The following CNTNAP4 variants were observed in gnomAD, a reference collection of about 807,000 sequenced individuals.
The protein encoded by CNTNAP4 is contactin-associated protein-like 4.
A neutral mutation model predicts 148.4 loss-of-function variants in CNTNAP4; 98 were observed. The ratio of observed to expected loss-of-function variants is 0.66; its 90% CI spans 0.56 to 0.78. CNTNAP4 has a LOEUF of 0.78. CNTNAP4 is among the 30% of genes least tolerant of loss of function. The probability of loss-of-function intolerance (pLI) is 0.00; values close to 1 mark genes in which losing one functional copy is unlikely to be tolerated. For synonymous variants in CNTNAP4, 730 were observed against 565.1 expected (o/e 1.29, Z -4.14); for missense variants, 1,935 against 1,565.6 (o/e 1.24, Z -3.98).
chr16:76,514,950 G>C (rs1410645919), intron 15 of CNTNAP4, among the ~76,000 whole-genome samples: 6 of 152,172 alleles, frequency 3.9e-5, no homozygotes, highest in Non-Finnish European at 7.4e-5. Context: ...AACATTTAAA[G>C]CATTTTTACT....
chr16:76,552,455 G>A (rs1441109720), intron 21 of CNTNAP4, among the ~76,000 whole-genome samples: 1 of 152,126 alleles, frequency 6.6e-6, no homozygotes, highest in Non-Finnish European at 1.5e-5. Context: ...TTTCATGCTT[G>A]CTAAGCAAGG....
rs535382809 is a variant in CNTNAP4 at position 76,409,596 on chromosome 16, T to G, written c.391-17856T>G. 8.2e-4 allele frequency among the ~76,000 whole-genome samples: 125 copies of G among 152,060 alleles called. 1 individual carries two copies. The highest frequency in any genetic ancestry group is 2.9e-3 in the African/African-American group (120 of 41,540). ...AAAGGCAAACTAGTTAAAAAGAAAA[T>G]AAAACTCTACAGTAAAGAAATTAAA... is the stretch of plus-strand genomic sequence containing the variant. On this transcript the variant is annotated intron_variant, in intron 3 of 23. Coordinates refer to ENST00000611870, the MANE Select transcript of CNTNAP4 (RefSeq NM_033401.5).
intron 2 of CNTNAP4, among the ~76,000 whole-genome samples, chr16:76,340,625 A>C (rs545846113): frequency 6.6e-6 from 1 of 152,160 alleles, no homozygotes; most frequent in Non-Finnish European, 1.5e-5. Flanking sequence ...TCATGTCTTC[A>C]TTCAATACAT....
intron 1 of CNTNAP4, among the ~76,000 whole-genome samples, chr16:76,301,017 T>A (rs1959905877): frequency 6.6e-6 from 1 of 152,106 alleles, no homozygotes; most frequent in South Asian, 2.1e-4. Context: ...ACATACTTGG[T>A]CAGTTTAACA....
chr16:76,504,071 G>T (rs973924124), intron 15 of CNTNAP4, among the ~76,000 whole-genome samples: 8 of 151,832 alleles, frequency 5.3e-5, no homozygotes, highest in African/African-American at 1.9e-4. Flanking sequence ...TCTCTTTTTT[G>T]GGAGGGGAGT....
intron 2 of CNTNAP4, among the ~76,000 whole-genome samples, chr16:76,330,753 T>A (rs1963433251): frequency 1.3e-5 from 2 of 152,208 alleles, no homozygotes; most frequent in Admixed American, 1.3e-4. Context: ...ATTCTATGAT[T>A]AGTAAAAATA....
chr16:76,378,783 C>G (rs1406280575), intron 3 of CNTNAP4, among the ~76,000 whole-genome samples: 3 of 152,178 alleles, frequency 2.0e-5, no homozygotes, highest in African/African-American at 7.2e-5. Flanking sequence ...AGTCTGTCCT[C>G]CATGTCAGTG....
At chr16:76,289,771 A>G (rs994823996) in intron 1 of CNTNAP4, among the ~76,000 whole-genome samples, 6 of 151,938 alleles carry the variant, frequency 3.9e-5, no homozygotes, top group Non-Finnish European at 5.9e-5. Flanking sequence ...GGGTTTCACC[A>G]TGTTGGTCAA....
chr16:76,316,480 C>G lies in CNTNAP4; in HGVS notation c.153C>G (p.Ser51=), dbSNP rs757397795. The G allele has an allele frequency of 6.2e-7, 1 of 1,613,832 alleles. No individual in the cohort carries two copies. Among genetic ancestry groups the G allele is most frequent in the Non-Finnish European group, 8.5e-7 (1 of 1,179,818 alleles). ...CCTTCAGCAGTTCTTCCGAGCTCTC[C>G]AGCAGTCATGGTCCTGGATTTGCAA... ...QASFSSSSEL[S]SSHGPGFARL... is the part of the protein sequence containing the mutation. The change falls in exon 2 of 24, where the codon TCC becomes TCG. Residue 51 remains serine (S), a synonymous_variant. Transcript: ENST00000611870.
chr16:76,470,011 T>G (rs2081308286), intron 10 of CNTNAP4, among the ~76,000 whole-genome samples: 1 of 152,088 alleles, frequency 6.6e-6, no homozygotes, highest in African/African-American at 2.4e-5. Flanking sequence ...AAAAAAAATC[T>G]GTGTACCAGG....
intron 1 of CNTNAP4, chr16:76,309,852 C>G (rs1451577024): frequency 7.1e-6 from 5 of 701,004 alleles, no homozygotes; most frequent in Non-Finnish European, 1.3e-5. Flanking sequence ...TTGCTGCTTC[C>G]TCATTTTCTC....
intron 10 of CNTNAP4, among the ~76,000 whole-genome samples, chr16:76,475,551 T>C (rs8053278): frequency 0.082 from 12,518 of 152,256 alleles, 1,548 homozygotes; most frequent in African/African-American, 0.27. Context: ...TCTTCCTTTT[T>C]TCTTTTCTTC....
At chr16:76,298,325 A>G (rs1016141018) in intron 1 of CNTNAP4, among the ~76,000 whole-genome samples, 4 of 152,214 alleles carry the variant, frequency 2.6e-5, no homozygotes, top group African/African-American at 9.6e-5. Context: ...AAAATGCAAT[A>G]AGCAAAATGT....
At chr16:76,311,510 A>G (rs890426466) in intron 1 of CNTNAP4, among the ~76,000 whole-genome samples, 2 of 152,224 alleles carry the variant, frequency 1.3e-5, no homozygotes, top group Admixed American at 6.5e-5. Context: ...TCATTAAAAC[A>G]TATTGTAGAT....
At position 76,519,703 on chromosome 16, in the gene CNTNAP4, A is replaced by C. The variant is rs557563421; in HGVS notation, c.2366-1437A>C. On this transcript the variant is annotated intron_variant, in intron 15 of 23. Coordinates refer to ENST00000611870, the MANE Select transcript of CNTNAP4 (RefSeq NM_033401.5). ...AGGTCTAGTACAGGAATAGCTGTAA[A>C]AGGGACAAAAGGAATAGGCTTGATG... 1.2e-4 allele frequency among the ~76,000 whole-genome samples: 18 copies of C among 152,306 alleles called. No individual in the cohort carries two copies. In the South Asian group the frequency reaches 3.3e-3, roughly 28 times the overall value.
chr16:76,307,595 T>G (rs1479088793), intron 1 of CNTNAP4, among the ~76,000 whole-genome samples: 1 of 148,250 alleles, frequency 6.7e-6, no homozygotes, highest in Non-Finnish European at 1.5e-5. Flanking sequence ...ATTCCTGATA[T>G]CAAATTAGGT....
At chr16:76,324,307 T>C (rs1294865607) in intron 2 of CNTNAP4, among the ~76,000 whole-genome samples, 1 of 152,212 alleles carries the variant, frequency 6.6e-6, no homozygotes, top group Admixed American at 6.5e-5. Flanking sequence ...ACATAAACAT[T>C]TCTTTTAGTA....
At chr16:76,427,428 G>A (rs2079448213) in intron 3 of CNTNAP4, 24 bp from the exon 4 acceptor site, 1 of 1,591,908 alleles carries the variant, frequency 6.3e-7, no homozygotes, top group South Asian at 1.1e-5. Flanking sequence ...ATACATTGAT[G>A]TGCTTCTTTC....
rs1339318016 is a variant in CNTNAP4 at position 76,448,760 on chromosome 16, T to A, written c.743-7T>A. 2 of 1,595,118 alleles carry A rather than the reference T, an allele frequency of 1.3e-6. No individual in the cohort carries two copies. Among genetic ancestry groups the A allele is most frequent in the Admixed American group, 3.5e-5 (2 of 57,430 alleles). ...TAATGGTGCTGTTATTTTTCTCCTC[T>A]TCTAAGGTGAAGCTAAACTGCCTTC... On this transcript the variant is annotated splice_polypyrimidine_tract_variant and splice_region_variant and intron_variant, in intron 5 of 23. Transcript: ENST00000611870.
Sources: gnomAD v4.1 joint callset for allele counts (sites outside exome capture counted in the v4.1 genomes callset) on GRCh38, gnomAD v4.1.1 for gene constraint, MANE v1.5 for transcripts, NCBI Gene and HGNC (gene_info 2026-07-23, HGNC 2026-07-21) for gene names.